The following OLFM4 variants were observed in gnomAD, a reference collection of about 807,000 sequenced individuals.
OLFM4 encodes olfactomedin 4.
A neutral mutation model predicts 25.5 loss-of-function variants in OLFM4; 22 were observed. The observed-to-expected ratio is 0.86, with a 90% confidence interval of 0.62 to 1.23. The LOEUF (loss-of-function observed/expected upper bound fraction) is 1.23, where lower values mean the gene tolerates loss of function less well. Among genes scored for constraint, OLFM4 ranks in the 50% most tolerant of loss-of-function variants. OLFM4 has a pLI of 0.00. For synonymous variants in OLFM4, 255 were observed against 237.7 expected (o/e 1.07, Z -0.67); for missense variants, 594 against 619.4 (o/e 0.96, Z 0.44).
intron 4 of OLFM4, among the ~76,000 whole-genome samples, chr13:53,046,202 A>T (rs552358852): frequency 2.0e-5 from 3 of 152,322 alleles, no homozygotes; most frequent in South Asian, 2.1e-4. Flanking sequence ...GGCTCAAACA[A>T]AGTTCAGTTG....
At chr13:53,040,089 A>T (rs1161689101) in intron 2 of OLFM4, among the ~76,000 whole-genome samples, 1 of 152,210 alleles carries the variant, frequency 6.6e-6, no homozygotes, top group Non-Finnish European at 1.5e-5. Context: ...TTCAGTTCAA[A>T]TTTTTAAAAA....
chr13:53,031,068 A>G (rs924615271), intron 1 of OLFM4, among the ~76,000 whole-genome samples: 7 of 152,242 alleles, frequency 4.6e-5, no homozygotes, highest in African/African-American at 1.4e-4. Flanking sequence ...AAACAGAGAA[A>G]TCCAGAATGC....
At chr13:53,038,259 C>T (rs908870878) in intron 2 of OLFM4, among the ~76,000 whole-genome samples, 1 of 152,164 alleles carries the variant, frequency 6.6e-6, no homozygotes, top group Non-Finnish European at 1.5e-5. Context: ...AAATCACCAC[C>T]ACTACCGCCC....
chr13:53,040,575 G>A lies in OLFM4; in HGVS notation c.358-1335G>A, dbSNP rs1196790968. On this transcript the variant is annotated intron_variant, in intron 2 of 4. Coordinates refer to ENST00000219022, the MANE Select transcript of OLFM4 (RefSeq NM_006418.5). ...GGAGGGTGGTGTTGGCCGTGGCAACGATTTTGTCCCCAGGGAACATTTAGC... is the reference window on the plus strand; with the variant it reads ...GGAGGGTGGTGTTGGCCGTGGCAACAATTTTGTCCCCAGGGAACATTTAGC... 3.9e-5 allele frequency among the ~76,000 whole-genome samples: 6 copies of A among 152,320 alleles called. No individual in the cohort carries two copies. The East Asian group carries it at 9.6e-4, about 24-fold the overall frequency.
intron 4 of OLFM4, among the ~76,000 whole-genome samples, chr13:53,044,393 T>C (rs755392534): frequency 1.3e-5 from 2 of 152,190 alleles, no homozygotes; most frequent in African/African-American, 2.4e-5. Context: ...TTTCATCAAA[T>C]CATGCAATCC....
intron 4 of OLFM4, among the ~76,000 whole-genome samples, chr13:53,044,195 T>A (rs1417561265): frequency 6.6e-6 from 1 of 152,182 alleles, no homozygotes; most frequent in African/African-American, 2.4e-5. Context: ...ATAATGTTGA[T>A]AATTGAAGCG....
intron 2 of OLFM4, among the ~76,000 whole-genome samples, chr13:53,038,634 A>C (rs537311411): frequency 3.7e-4 from 56 of 152,354 alleles, no homozygotes; most frequent in Non-Finnish European, 4.7e-4. Flanking sequence ...AATGTTATGC[A>C]GCAAATGACT....
intron 1 of OLFM4, among the ~76,000 whole-genome samples, chr13:53,030,266 A>T (rs1180588182): frequency 6.6e-6 from 1 of 152,220 alleles, no homozygotes; most frequent in Non-Finnish European, 1.5e-5. Context: ...TGCCAGGACT[A>T]GGTTAAGTAC....
intron 4 of OLFM4, among the ~76,000 whole-genome samples, chr13:53,045,137 G>A (rs1233751504): frequency 1.3e-5 from 2 of 152,126 alleles, no homozygotes; most frequent in Non-Finnish European, 2.9e-5. Flanking sequence ...GTGTCAGGCA[G>A]CAGTAATCCA....
chr13:53,033,799 G>C (rs1046399958), intron 1 of OLFM4, among the ~76,000 whole-genome samples: 1 of 152,060 alleles, frequency 6.6e-6, no homozygotes. Flanking sequence ...GGTGGCTCAC[G>C]CCTGTAATCC....
At chr13:53,031,538 A>G (rs1475653685) in intron 1 of OLFM4, among the ~76,000 whole-genome samples, 2 of 152,178 alleles carry the variant, frequency 1.3e-5, no homozygotes, top group Non-Finnish European at 2.9e-5. Context: ...AGGGTCCTCA[A>G]TTCACAAGAC....
chr13:53,038,227 C>G lies in OLFM4; in HGVS notation c.358-3683C>G, dbSNP rs1185950304. ...AGATGCCAATAGCACTCGCCCACCCCCCAGTTATGAGAACCAGGACAAAAT... is the reference window on the plus strand; with the variant it reads ...AGATGCCAATAGCACTCGCCCACCCGCCAGTTATGAGAACCAGGACAAAAT... On this transcript the variant is annotated intron_variant, in intron 2 of 4. Transcript: ENST00000219022. Among the ~76,000 whole-genome samples, 5 of 152,116 alleles carry G rather than the reference C, an allele frequency of 3.3e-5. No homozygotes were observed. In the East Asian group the frequency reaches 9.7e-4, roughly 29 times the overall value.
intron 1 of OLFM4, among the ~76,000 whole-genome samples, chr13:53,033,802 T>A (rs966111434): frequency 7.2e-5 from 11 of 152,156 alleles, no homozygotes; most frequent in African/African-American, 2.7e-4. Context: ...GGCTCACGCC[T>A]GTAATCCCAG....
chr13:53,043,200 G>A lies in OLFM4; in HGVS notation c.666G>A (p.Lys222=). 1 of 1,613,486 alleles carries A rather than the reference G, an allele frequency of 6.2e-7. No homozygotes were observed. Among genetic ancestry groups the A allele is most frequent in the Non-Finnish European group, 8.5e-7 (1 of 1,179,728 alleles). The part of the protein sequence containing the change: ...IRREIVALKT[K]LKECEASKDQ... ...GAGAAATCGTGGCTCTGAAGACCAA[G>A]CTGAAAGAGTGTGAGGCCTCTAAAG... The change falls in exon 4 of 5, where the codon AAG becomes AAA. Residue 222 remains lysine, a synonymous_variant. Coordinates refer to ENST00000219022, the MANE Select transcript of OLFM4 (RefSeq NM_006418.5).
chr13:53,043,376 T>G lies in OLFM4; in HGVS notation c.730+112T>G, dbSNP rs1954698447. 1.9e-5 allele frequency: 17 copies of G among 880,944 alleles called. No individual in the cohort carries two copies. In the South Asian group the frequency reaches 3.1e-4, roughly 16 times the overall value. The allele number at this position is 880,944 out of a possible 1,614,324, so 54.6% of individuals were successfully genotyped here. On this transcript the variant is annotated intron_variant, in intron 4 of 4. Transcript: ENST00000219022. ...GTGAAAGAAGAAGGTGGGTTGTTTT[T>G]TTTTTTTTTTTTTCAGTTCTCAGTT... is the stretch of plus-strand genomic sequence containing the variant.
chr13:53,049,967 A>G lies in OLFM4; in HGVS notation c.731-2A>G. On this transcript the variant is annotated splice_acceptor_variant, in intron 4 of 4. Coordinates refer to ENST00000219022, the MANE Select transcript of OLFM4 (RefSeq NM_006418.5). LOFTEE classifies it high-confidence loss of function. ...TGCCTTTTTATTTTCTTGTTTGTAT[A>G]GGGAGCTGTGGTCATGGTGGTGTGG... 1 of 1,592,536 alleles carries G rather than the reference A, an allele frequency of 6.3e-7. No individual in the cohort carries two copies. Among genetic ancestry groups the G allele is most frequent in the Non-Finnish European group, 8.6e-7 (1 of 1,166,154 alleles).
chr13:53,043,201 C>A lies in OLFM4; in HGVS notation c.667C>A (p.Leu223Met). Residue 223 changes from leucine to methionine, a missense_variant, in exon 4 of 5, where the codon CTG becomes ATG. By Grantham distance (15) the Leu-to-Met change is conservative. Transcript: ENST00000219022. ...RREIVALKTK[L>M]KECEASKDQN... is the part of the protein sequence containing the mutation. ...AGAAATCGTGGCTCTGAAGACCAAG[C>A]TGAAAGAGTGTGAGGCCTCTAAAGA... The A allele has an allele frequency of 6.2e-7, 1 of 1,613,496 alleles. No homozygotes were observed. Among genetic ancestry groups the A allele is most frequent in the Non-Finnish European group, 8.5e-7 (1 of 1,179,704 alleles).
chr13:53,033,217 G>A (rs759392484), intron 1 of OLFM4, among the ~76,000 whole-genome samples: 1 of 152,164 alleles, frequency 6.6e-6, no homozygotes, highest in Non-Finnish European at 1.5e-5. Context: ...TGGCACTGAA[G>A]TGTGAGTCTG....
intron 2 of OLFM4, among the ~76,000 whole-genome samples, chr13:53,041,703 A>G (rs1018175694): frequency 1.3e-5 from 2 of 152,256 alleles, no homozygotes; most frequent in African/African-American, 4.8e-5. Flanking sequence ...GCAAAGTATA[A>G]AATCTACCTC....
Sources: allele counts gnomAD v4.1 joint callset (sites outside exome capture counted in the v4.1 genomes callset), GRCh38; gene constraint gnomAD v4.1.1; transcripts MANE v1.5; gene names NCBI Gene and HGNC (gene_info 2026-07-23, HGNC 2026-07-21).